PTPRD: variants seen among roughly 807,000 people sequenced by gnomAD.
PTPRD encodes the protein protein tyrosine phosphatase receptor type D, also known as receptor-type tyrosine-protein phosphatase delta.
A neutral mutation model predicts 214.5 loss-of-function variants in PTPRD; 34 were observed. The ratio of observed to expected loss-of-function variants is 0.16; its 90% CI spans 0.12 to 0.21. The LOEUF (loss-of-function observed/expected upper bound fraction) is 0.21. Among genes scored for constraint, PTPRD ranks in the 10% least tolerant of loss-of-function variants. The pLI, the probability that PTPRD is intolerant of heterozygous loss-of-function variation, is 1.00. For missense variants in PTPRD, 2,545 were observed against 2,398.7 expected (o/e 1.06, Z -1.27); for synonymous variants, 1,128 against 845.7 (o/e 1.33, Z -5.79).
chr9:9,229,602 C>T (rs960914693), intron 9 of PTPRD, among the ~76,000 whole-genome samples: 5 of 152,172 alleles, frequency 3.3e-5, no homozygotes, highest in South Asian at 4.1e-4. Context: ...GACAAATACT[C>T]GGGTTTACTC....
chr9:8,725,000 C>T (rs2098542290), intron 12 of PTPRD, among the ~76,000 whole-genome samples: 1 of 152,052 alleles, frequency 6.6e-6, no homozygotes, highest in Non-Finnish European at 1.5e-5. Flanking sequence ...ATCTAAATAA[C>T]ACATGTAGTT....
At chr9:10,202,212 G>C (rs1199223104) in intron 3 of PTPRD, among the ~76,000 whole-genome samples, 1 of 151,982 alleles carries the variant, frequency 6.6e-6, no homozygotes, top group Non-Finnish European at 1.5e-5. Context: ...CTCCAAAAGA[G>C]AGCTTACATA....
chr9:8,971,301 C>T (rs2099236723), intron 11 of PTPRD, among the ~76,000 whole-genome samples: 1 of 151,566 alleles, frequency 6.6e-6, no homozygotes, highest in African/African-American at 2.4e-5. Context: ...AAGATATAGA[C>T]ACATATAATC....
At chr9:10,200,391 A>C (rs1266738145) in intron 3 of PTPRD, among the ~76,000 whole-genome samples, 1 of 152,142 alleles carries the variant, frequency 6.6e-6, no homozygotes, top group Non-Finnish European at 1.5e-5. Context: ...GGAGAGAAGG[A>C]AGATGCTATT....
At chr9:10,478,242 C>G (rs967723559) in intron 2 of PTPRD, among the ~76,000 whole-genome samples, 2 of 152,076 alleles carry the variant, frequency 1.3e-5, no homozygotes, top group Admixed American at 6.6e-5. Context: ...ACCTAATAAG[C>G]ATTATTACAC....
At chr9:8,536,325 G>C (rs1203975218) in intron 14 of PTPRD, among the ~76,000 whole-genome samples, 1 of 151,680 alleles carries the variant, frequency 6.6e-6, no homozygotes, top group East Asian at 1.9e-4. Context: ...AAATGGCATG[G>C]ACTAGATACG....
intron 11 of PTPRD, among the ~76,000 whole-genome samples, chr9:8,938,135 A>C (rs760362332): frequency 1.3e-5 from 2 of 152,196 alleles, no homozygotes; most frequent in Non-Finnish European, 2.9e-5. Flanking sequence ...AATAATTTAC[A>C]AAAGTACAGG....
chr9:9,049,786 T>G (rs1023446457), intron 10 of PTPRD, among the ~76,000 whole-genome samples: 8 of 152,128 alleles, frequency 5.3e-5, no homozygotes, highest in Admixed American at 6.6e-5. Flanking sequence ...ATGATTTGAG[T>G]CCTGCCCTGG....
In PTPRD at chr9:9,433,790, T is replaced by C. The variant is rs932092488; in HGVS notation, c.-236-36308A>G. On this transcript the variant is annotated intron_variant, in intron 8 of 45. Transcript: ENST00000381196. ...TTAGTACCAAAATGGCCATTGCATG[T>C]AAGACCACAGCATTAAGTCACCAAA... 3.4e-4 allele frequency among the ~76,000 whole-genome samples: 51 copies of C among 152,202 alleles called. 1 individual carries two copies. Among genetic ancestry groups the C allele is most frequent in the African/African-American group, 1.1e-3 (47 of 41,460 alleles).
intron 4 of PTPRD, among the ~76,000 whole-genome samples, chr9:9,953,729 T>A (rs1181849591): frequency 6.6e-6 from 1 of 152,202 alleles, no homozygotes; most frequent in Non-Finnish European, 1.5e-5. Context: ...AGCAACCGGT[T>A]TTAAACATAT....
chr9:10,527,532 A>C (rs1278771875), intron 2 of PTPRD, among the ~76,000 whole-genome samples: 1 of 152,214 alleles, frequency 6.6e-6, no homozygotes, highest in East Asian at 1.9e-4. Flanking sequence ...ACATTGTCAT[A>C]AAATTTAAAA....
intron 10 of PTPRD, among the ~76,000 whole-genome samples, chr9:9,024,348 G>GTTTTTTTTTTT (rs752607769): frequency 1.6e-4 from 10 of 64,168 alleles, no homozygotes; most frequent in South Asian, 5.1e-4. Flanking sequence ...GTTTTTTTTT[G>GTTTTTTTTTTT]TTTGTTTTTT....
chr9:8,495,440 C>G (rs1421683906), intron 26 of PTPRD, among the ~76,000 whole-genome samples: 1 of 152,178 alleles, frequency 6.6e-6, no homozygotes, highest in Non-Finnish European at 1.5e-5. Context: ...CAAAATAACT[C>G]TTTTTACCTG....
intron 11 of PTPRD, among the ~76,000 whole-genome samples, chr9:8,997,638 A>C (rs1212325737): frequency 1.2e-4 from 18 of 152,096 alleles, no homozygotes; most frequent in Admixed American, 1.2e-3. Context: ...TTAATAACCT[A>C]TAATGGCCTC....
At chr9:10,016,498 AAGTT>A (rs2096719384) in intron 4 of PTPRD, among the ~76,000 whole-genome samples, 1 of 152,148 alleles carries the variant, frequency 6.6e-6, no homozygotes, top group African/African-American at 2.4e-5. Flanking sequence ...CTGTGGGTGA[AAGTT>A]AGAGAAAGAA....
In PTPRD at chr9:9,663,675, A is replaced by C. The variant is rs1193476430; in HGVS notation, c.-287+70858T>G. Among the ~76,000 whole-genome samples, 3 of 151,596 alleles carry C rather than the reference A, an allele frequency of 2.0e-5. No homozygotes were observed. In the East Asian group the frequency reaches 5.8e-4, roughly 29 times the overall value. On this transcript the variant is annotated intron_variant, in intron 7 of 45. Transcript: ENST00000381196. ...GCTTCATATCCAAATGATCACTAAC[A>C]CCTGAATTTGATCTTTATTTAAACT...
intron 10 of PTPRD, among the ~76,000 whole-genome samples, chr9:9,076,705 A>T (rs2154416527): frequency 6.6e-6 from 1 of 152,128 alleles, no homozygotes; most frequent in East Asian, 1.9e-4. Context: ...CTGAGGATGG[A>T]CATTAGGTTG....
At chr9:9,350,839 T>C (rs1172484270) in intron 9 of PTPRD, among the ~76,000 whole-genome samples, 1 of 152,068 alleles carries the variant, frequency 6.6e-6, no homozygotes, top group Admixed American at 6.6e-5. Flanking sequence ...AAAAGGAAAA[T>C]ATTCCCTCAG....
intron 5 of PTPRD, among the ~76,000 whole-genome samples, chr9:9,864,894 C>T (rs2153698927): frequency 6.6e-6 from 1 of 152,082 alleles, no homozygotes; most frequent in South Asian, 2.1e-4. Flanking sequence ...TAGAAGATTT[C>T]ATCTTTAAAA....
Sources: gnomAD v4.1 joint callset for allele counts (sites outside exome capture counted in the v4.1 genomes callset) on GRCh38, gnomAD v4.1.1 for gene constraint, MANE v1.5 for transcripts, NCBI Gene and HGNC (gene_info 2026-07-23, HGNC 2026-07-21) for gene names.